Variants in MTUS2 observed in about 807,000 individuals in gnomAD.
MTUS2 encodes microtubule-associated tumor suppressor candidate 2.
Under a neutral mutation model 114.1 loss-of-function variants are expected in MTUS2, and 40 were observed. That is an observed-to-expected ratio of 0.35 (90% CI 0.27 to 0.46). MTUS2 has a LOEUF of 0.46. Ranked by LOEUF, MTUS2 falls within the 20% of genes least tolerant of loss-of-function variation. The pLI is 1.00. For synonymous variants in MTUS2, 688 were observed against 672.0 expected, an observed-to-expected ratio of 1.02 and a Z score of -0.37; for missense variants, 1,679 against 1,705.4, an observed-to-expected ratio of 0.98 and a Z score of 0.27.
chr13:28,959,709 C>G (rs1213474195), intron 2 of MTUS2, among the ~76,000 whole-genome samples: 1 of 152,114 alleles, frequency 6.6e-6, no homozygotes, highest in East Asian at 1.9e-4. Flanking sequence ...AGAGTGAGAA[C>G]CCACTCATTA....
intron 5 of MTUS2, among the ~76,000 whole-genome samples, chr13:29,209,662 G>C (rs1302449895): frequency 1.3e-5 from 2 of 152,036 alleles, no homozygotes; most frequent in Non-Finnish European, 2.9e-5. Context: ...GTCTGAAAAA[G>C]ACTGTATCTT....
At chr13:29,033,793 G>C in intron 3 of MTUS2, 92 bp from the exon 4 acceptor site, 1 of 1,481,116 alleles carries the variant, frequency 6.8e-7, no homozygotes, top group Non-Finnish European at 9.2e-7. Flanking sequence ...GTACCAGAGT[G>C]GTCATTGGTT....
intron 5 of MTUS2, among the ~76,000 whole-genome samples, chr13:29,221,332 C>T (rs1456010073): frequency 6.6e-6 from 1 of 152,214 alleles, no homozygotes; most frequent in East Asian, 1.9e-4. Context: ...AAGTATTTTC[C>T]AATTAACATT....
Position 29,471,213 on chromosome 13 carries a change from C to T in MTUS2, c.3185-8937C>T, listed in dbSNP as rs1200827509. Among the ~76,000 whole-genome samples, 9 of 151,956 alleles carry T rather than the reference C, an allele frequency of 5.9e-5. No homozygotes were observed. The East Asian group carries it at 9.7e-4, about 16-fold the overall frequency. On this transcript the variant is annotated intron_variant, in intron 9 of 15. Transcript: ENST00000612955. ...CACAAATTAGCTGGGCTTGGTGGCG[C>T]GTGCCTGTAATCCCAGCTACTCGGG...
intron 8 of MTUS2, among the ~76,000 whole-genome samples, chr13:29,402,727 C>T (rs1412981766): frequency 2.0e-5 from 3 of 152,162 alleles, no homozygotes; most frequent in African/African-American, 7.2e-5. Flanking sequence ...CCTGTATTTC[C>T]TTCCAATACA....
rs1000455559 is a variant in MTUS2 at position 29,105,186 on chromosome 13, G to T, written c.2644+4216G>T. On this transcript the variant is annotated intron_variant, in intron 5 of 15. Coordinates refer to ENST00000612955, the MANE Select transcript of MTUS2 (RefSeq NM_001033602.4). ...AATTCCAAAGTTCAAAACAATTCTG[G>T]TCCCAAGAATTTTGGATAAGGGATA... 2.6e-5 allele frequency among the ~76,000 whole-genome samples: 4 copies of T among 152,132 alleles called. No homozygotes were observed. In the East Asian group the frequency reaches 5.8e-4, roughly 22 times the overall value.
At chr13:28,910,682 C>A (rs559897892) in intron 2 of MTUS2, among the ~76,000 whole-genome samples, 8 of 151,940 alleles carry the variant, frequency 5.3e-5, no homozygotes, top group Non-Finnish European at 1.2e-4. Flanking sequence ...GCTTCCAGCT[C>A]CATTCATGTC....
At chr13:29,379,370 A>G (rs1295875509) in intron 8 of MTUS2, among the ~76,000 whole-genome samples, 1 of 152,098 alleles carries the variant, frequency 6.6e-6, no homozygotes. Flanking sequence ...ATGCCTGGAG[A>G]AGGGGCTGGG....
intron 9 of MTUS2, among the ~76,000 whole-genome samples, chr13:29,468,585 TACACACAC>T (rs59451142): frequency 6.8e-6 from 1 of 146,754 alleles, no homozygotes; most frequent in Admixed American, 6.8e-5. Flanking sequence ...TGTCTCAAAA[TACACACAC>T]ACACACACAC....
chr13:28,934,762 A>T (rs1881801131), intron 2 of MTUS2, among the ~76,000 whole-genome samples: 1 of 152,182 alleles, frequency 6.6e-6, no homozygotes, highest in Non-Finnish European at 1.5e-5. Context: ...ACCTCAGGTG[A>T]TCTGGCCGCT....
intron 8 of MTUS2, among the ~76,000 whole-genome samples, chr13:29,393,806 T>A (rs962039115): frequency 6.6e-6 from 1 of 152,120 alleles, no homozygotes; most frequent in Admixed American, 6.6e-5. Context: ...AAATGTAAGA[T>A]GAACATTGGT....
chr13:29,237,762 A>G (rs1286772919), intron 5 of MTUS2, among the ~76,000 whole-genome samples: 2 of 152,326 alleles, frequency 1.3e-5, no homozygotes, highest in East Asian at 3.9e-4. Context: ...ACCTGAGTAG[A>G]CATTTGTCAA....
At chr13:28,844,582 T>TGTGTGTAA (rs1222831881) in intron 2 of MTUS2, among the ~76,000 whole-genome samples, 227 of 114,864 alleles carry the variant, frequency 2.0e-3, no homozygotes, top group African/African-American at 7.4e-3. Context: ...CTGCAGCATT[T>TGTGTGTAA]GTGTGTGAGT....
At chr13:28,878,266 T>C (rs1182240448) in intron 2 of MTUS2, among the ~76,000 whole-genome samples, 1 of 150,306 alleles carries the variant, frequency 6.7e-6, no homozygotes. Flanking sequence ...TGTGTGTATA[T>C]GTGTATATAT....
At position 29,383,250 on chromosome 13, in the gene MTUS2, G is replaced by GTATATATATATATATATATTTATTTA. The variant is rs763660299; in HGVS notation, c.3117+23778_3117+23779insATATATATATATATATATTTATTTAT. On this transcript the variant is annotated intron_variant, in intron 8 of 15. Coordinates refer to ENST00000612955, the MANE Select transcript of MTUS2 (RefSeq NM_001033602.4). ...TGTGTGTGTGTGTGTGTGTGTGTGT[G>GTATATATATATATATATATTTATTTA]TGTATTTATTTTTCTCATGCAGGTC... Among the ~76,000 whole-genome samples the GTATATATATATATATATATTTATTTA allele has an allele frequency of 6.2e-5, 4 of 64,464 alleles. No homozygotes were observed. In the South Asian group the frequency reaches 1.6e-3, roughly 25 times the overall value. 42.3% of individuals were successfully genotyped at this position (64,464 alleles called of 152,430 possible).
At chr13:29,404,421 T>C (rs911930487) in intron 8 of MTUS2, among the ~76,000 whole-genome samples, 1 of 152,140 alleles carries the variant, frequency 6.6e-6, no homozygotes, top group Non-Finnish European at 1.5e-5. Flanking sequence ...CTCGAGAGGC[T>C]GAGGCAGGAA....
At chr13:29,186,806 A>C (rs1302003165) in intron 5 of MTUS2, among the ~76,000 whole-genome samples, 2 of 152,208 alleles carry the variant, frequency 1.3e-5, no homozygotes, top group Admixed American at 6.5e-5. Context: ...ACTAAACAGA[A>C]ACAGAATGCA....
chr13:29,020,848 GA>G (rs11307768), intron 2 of MTUS2, among the ~76,000 whole-genome samples: 77,300 of 146,488 alleles, frequency 0.53, 20,237 homozygotes, highest in African/African-American at 0.61. Flanking sequence ...CAGGACGTGG[GA>G]AAAAAAAAAA....
At chr13:29,487,385 A>G (rs1291129297) in intron 10 of MTUS2, 1 of 153,772 alleles carries the variant, frequency 6.5e-6, no homozygotes, top group Non-Finnish European at 1.5e-5. Context: ...TCTTAGCCTC[A>G]GTTTCCACAT....
Sources: gnomAD v4.1 joint callset for allele counts (sites outside exome capture counted in the v4.1 genomes callset) on GRCh38, gnomAD v4.1.1 for gene constraint, MANE v1.5 for transcripts, NCBI Gene and HGNC (gene_info 2026-07-23, HGNC 2026-07-21) for gene names.